Variants in DNMBP observed in about 807,000 individuals in gnomAD.
DNMBP encodes dynamin binding protein, also known as dynamin-binding protein.
Under a neutral mutation model 150.0 loss-of-function variants are expected in DNMBP, and 87 were observed. The ratio of observed to expected loss-of-function variants is 0.58; its 90% CI spans 0.49 to 0.69. DNMBP has a LOEUF of 0.69. Among genes scored for constraint, DNMBP ranks in the 30% least tolerant of loss-of-function variants. The pLI is 0.00. For missense variants in DNMBP, 1,774 were observed against 1,949.0 expected, an observed-to-expected ratio of 0.91 and a Z score of 1.69; for synonymous variants, 711 against 750.4, an observed-to-expected ratio of 0.95 and a Z score of 0.86.
chr10:99,896,668 G>A (rs993633948), intron 9 of DNMBP, among the ~76,000 whole-genome samples: 1 of 152,170 alleles, frequency 6.6e-6, no homozygotes, highest in African/African-American at 2.4e-5. Flanking sequence ...CAATGCCTGG[G>A]TCTGCCACTT....
Position 99,956,685 on chromosome 10 carries a change from A to C in DNMBP, c.789T>G (p.Asp263Glu), listed in dbSNP as rs1274178578. The C allele has an allele frequency of 6.2e-7, 1 of 1,613,412 alleles. No individual in the cohort carries two copies. The highest frequency in any genetic ancestry group is 1.1e-5 in the South Asian group (1 of 91,072). The change falls in exon 4 of 17, where the codon GAT (aspartate) becomes GAG (glutamate). Residue 263 changes from aspartate (D) to glutamate (E), a missense_variant. Asp to Glu is a conservative substitution (Grantham distance 45, BLOSUM62 2). This residue lies in a region of DNMBP where 344 missense variants were observed against 456.6 expected (regional missense o/e 0.75). Coordinates refer to ENST00000324109, the MANE Select transcript of DNMBP (RefSeq NM_015221.4). ...TTCGGATTTTATCCCCGACCTCGAAATCCAGCTCATTTGGCTCCAGGGCTT... is the reference window on the plus strand; with the variant it reads ...TTCGGATTTTATCCCCGACCTCGAACTCCAGCTCATTTGGCTCCAGGGCTT... ...RFQALEPNELDFEVGDKIRIL... is the reference protein window; with the variant it reads ...RFQALEPNELEFEVGDKIRIL...
chr10:99,922,784 G>C (rs1163300736), intron 4 of DNMBP, among the ~76,000 whole-genome samples: 1 of 152,100 alleles, frequency 6.6e-6, no homozygotes, highest in African/African-American at 2.4e-5. Flanking sequence ...TGGAAGAGGA[G>C]TGCCTAATTT....
chr10:100,008,057 A>G (rs2041094428), intron 1 of DNMBP, among the ~76,000 whole-genome samples: 1 of 152,242 alleles, frequency 6.6e-6, no homozygotes. Flanking sequence ...AGCTGACTCT[A>G]GAAACAACAG....
In DNMBP at chr10:99,897,662, T is replaced by G. The variant is rs528222737; in HGVS notation, c.2920+424A>C. Among the ~76,000 whole-genome samples, 11 of 152,278 alleles carry G rather than the reference T, an allele frequency of 7.2e-5. No individual in the cohort carries two copies. The East Asian group carries it at 7.7e-4, about 11-fold the overall frequency. On this transcript the variant is annotated intron_variant, in intron 9 of 16. Transcript: ENST00000324109. ...AATAAATACCACATTTTGGGCCGGG[T>G]GCAGTGGCTCACGCCTATAATCACA...
In DNMBP at chr10:99,884,057, T is replaced by C. The variant is rs2039414557; in HGVS notation, c.3951A>G (p.Lys1317=). ...LEGDLVGVIK[K]KDPMGSQNRW... ...GGTTCTGGCTGCCCATGGGGTCTTTTTTCTTAATCACACCCACCAGGTCAC... is the reference window on the plus strand; with the variant it reads ...GGTTCTGGCTGCCCATGGGGTCTTTCTTCTTAATCACACCCACCAGGTCAC... The change falls in exon 15 of 17, where the codon AAA becomes AAG. Residue 1317 remains lysine, a synonymous_variant. Transcript: ENST00000324109. 3 of 1,614,140 alleles carry C rather than the reference T, an allele frequency of 1.9e-6. No individual in the cohort carries two copies. The highest frequency in any genetic ancestry group is 1.3e-5 in the African/African-American group (1 of 75,028).
At chr10:99,943,050 A>G (rs1165937341) in intron 4 of DNMBP, among the ~76,000 whole-genome samples, 1 of 151,038 alleles carries the variant, frequency 6.6e-6, no homozygotes, top group Non-Finnish European at 1.5e-5. Context: ...TGGGAGGCTG[A>G]GGGGGGGGCG....
intron 4 of DNMBP, among the ~76,000 whole-genome samples, chr10:99,953,946 G>C (rs1162659608): frequency 6.6e-6 from 1 of 152,096 alleles, no homozygotes; most frequent in East Asian, 1.9e-4. Flanking sequence ...TTCTACTTAG[G>C]GACTTCCCAT....
At chr10:99,881,344 G>A (rs933644136) in intron 15 of DNMBP, among the ~76,000 whole-genome samples, 3 of 149,054 alleles carry the variant, frequency 2.0e-5, no homozygotes, top group Non-Finnish European at 2.9e-5. Context: ...ATGTTCTAAC[G>A]TAGGAAACTG....
At chr10:99,921,866 A>G (rs75348492) in intron 4 of DNMBP, among the ~76,000 whole-genome samples, 1 of 129,266 alleles carries the variant, frequency 7.7e-6, no homozygotes, top group African/African-American at 3.4e-5. Flanking sequence ...TTCCATCTGA[A>G]AAAAAAAAAA....
In DNMBP at chr10:100,005,821, A is replaced by G. The variant is rs77202503; in HGVS notation, c.-11+4017T>C. On this transcript the variant is annotated intron_variant, in intron 1 of 16. Transcript: ENST00000324109. ...AAAGGAAAATGAATTACAGCATTAT[A>G]AATCAAGATACATACACATAAAACA... 3.2e-3 allele frequency among the ~76,000 whole-genome samples: 486 copies of G among 151,996 alleles called. 6 individuals carry two copies. The highest frequency in any genetic ancestry group is 0.011 in the African/African-American group (471 of 41,410).
chr10:99,983,014 G>T (rs1256416811), intron 1 of DNMBP, among the ~76,000 whole-genome samples: 1 of 151,782 alleles, frequency 6.6e-6, no homozygotes, highest in Non-Finnish European at 1.5e-5. Flanking sequence ...CTTCTGAAGG[G>T]GTTTCCTTAA....
chr10:99,949,113 C>T (rs1395041493), intron 4 of DNMBP, among the ~76,000 whole-genome samples: 1 of 152,076 alleles, frequency 6.6e-6, no homozygotes, highest in Non-Finnish European at 1.5e-5. Flanking sequence ...GCACTGATTC[C>T]CAGGTCCCAA....
Position 99,943,380 on chromosome 10 carries a change from TTTTGTTTG to T in DNMBP, c.2260+11826_2260+11833del, listed in dbSNP as rs150436660. On this transcript the variant is annotated intron_variant, in intron 4 of 16. Transcript: ENST00000324109. ...TGAGAAGGAATTCTTGTGTGTGGTT[TTTTGTTTG>T]TTTGTTTGTTTGTTTGTTTGTTTTT... Among the ~76,000 whole-genome samples, 180 of 151,116 alleles carry T rather than the reference TTTTGTTTG, an allele frequency of 1.2e-3. 1 individual carries two copies. The highest frequency in any genetic ancestry group is 2.7e-3 in the African/African-American group (110 of 41,058).
intron 1 of DNMBP, among the ~76,000 whole-genome samples, chr10:99,981,707 G>A (rs939831289): frequency 2.6e-5 from 4 of 152,168 alleles, no homozygotes; most frequent in Non-Finnish European, 5.9e-5. Flanking sequence ...TGTTCCCGGA[G>A]GCTGGCCCAC....
At chr10:99,982,443 C>G (rs985558743) in intron 1 of DNMBP, among the ~76,000 whole-genome samples, 1 of 150,682 alleles carries the variant, frequency 6.6e-6, no homozygotes, top group Non-Finnish European at 1.5e-5. Context: ...GACCCTGTCT[C>G]AAAAAATAAA....
In DNMBP at chr10:99,898,295, A is replaced by G. The variant is rs1412458554; in HGVS notation, c.2721-10T>C. 1 of 1,605,434 alleles carries G rather than the reference A, an allele frequency of 6.2e-7. No individual in the cohort carries two copies. ...ATAATTTGTGCATCCCCTGTAAGAG[A>G]AGGAAAAAAGACTTTAGTAAGCTAT... On this transcript the variant is annotated splice_polypyrimidine_tract_variant and intron_variant, in intron 8 of 16. Transcript: ENST00000324109.
intron 4 of DNMBP, among the ~76,000 whole-genome samples, chr10:99,941,557 C>T (rs2040301062): frequency 6.6e-6 from 1 of 152,110 alleles, no homozygotes; most frequent in Non-Finnish European, 1.5e-5. Flanking sequence ...CAACCTCCAC[C>T]TCCCAGATTC....
chr10:99,945,962 T>C (rs1257449258), intron 4 of DNMBP, among the ~76,000 whole-genome samples: 1 of 152,206 alleles, frequency 6.6e-6, no homozygotes, highest in African/African-American at 2.4e-5. Context: ...TGCTTTTTTT[T>C]CTTTTTTTAA....
chr10:99,940,479 AC>A (rs2040282826), intron 4 of DNMBP, among the ~76,000 whole-genome samples: 1 of 151,268 alleles, frequency 6.6e-6, no homozygotes, highest in Non-Finnish European at 1.5e-5. Context: ...GGCTTGCCAG[AC>A]CCCTCCCCTC....
Sources: allele counts gnomAD v4.1 joint callset (sites outside exome capture counted in the v4.1 genomes callset), GRCh38; gene constraint gnomAD v4.1.1; regional missense constraint gnomAD v4.1.1; transcripts MANE v1.5; gene names NCBI Gene and HGNC (gene_info 2026-07-23, HGNC 2026-07-21).